H1-8: variants seen among roughly 807,000 people sequenced by gnomAD.
The protein encoded by H1-8 is H1.8 linker histone.
H1-8 carries 13 observed loss-of-function variants against 19.5 expected under a neutral mutation model. That is an observed-to-expected ratio of 0.67 (90% confidence interval 0.43 to 1.06). H1-8 has a LOEUF of 1.06. H1-8 is among the 50% of genes least tolerant of loss of function. H1-8 has a pLI of 0.00. For missense variants in H1-8, 432 were observed against 459.8 expected, an observed-to-expected ratio of 0.94 and a Z score of 0.55; for synonymous variants, 193 against 187.6, an observed-to-expected ratio of 1.03 and a Z score of -0.24.
At chr3:129,550,661 G>T in intron 3 of H1-8, 84 bp from the exon 4 acceptor site, 1 of 1,102,136 alleles carries the variant, frequency 9.1e-7, no homozygotes, top group Non-Finnish European at 1.4e-6. Context: ...CAGGAGGAAT[G>T]GGGGTTCTAG....
At chr3:129,543,343 G>C (rs760220829) in intron 1 of H1-8, 37 bp downstream of exon 1, 10 of 1,500,548 alleles carry the variant, frequency 6.7e-6, no homozygotes, top group African/African-American at 1.4e-5. Flanking sequence ...TCATCCCTGC[G>C]AGCCCACTCC....
intron 1 of H1-8, 46 bp from the exon 2 acceptor site, chr3:129,547,345 T>C (rs763331459): frequency 4.5e-5 from 65 of 1,458,132 alleles, no homozygotes; most frequent in African/African-American, 1.4e-5. Context: ...TGCCTGCCAC[T>C]GAGTTGTGAC....
chr3:129,550,630 A>G (rs2108756521), intron 3 of H1-8, 115 bp from the exon 4 acceptor site: 1 of 801,728 alleles, frequency 1.2e-6, no homozygotes, highest in Non-Finnish European at 2.1e-6. Flanking sequence ...ATGTCACATA[A>G]CTGAGTGAAG....
At chr3:129,543,907 G>A (rs1578287438) in intron 1 of H1-8, among the ~76,000 whole-genome samples, 1 of 152,176 alleles carries the variant, frequency 6.6e-6, no homozygotes, top group African/African-American at 2.4e-5. Flanking sequence ...GGGAGGTCAG[G>A]GAAAGCTTCC....
At chr3:129,544,094 G>C (rs2084870658) in intron 1 of H1-8, among the ~76,000 whole-genome samples, 2 of 152,178 alleles carry the variant, frequency 1.3e-5, no homozygotes, top group Non-Finnish European at 2.9e-5. Context: ...GGATGAGTGA[G>C]AGCAGCCTGC....
Position 129,547,443 on chromosome 3 carries a change from G to T in H1-8, c.141G>T (p.Pro47=), listed in dbSNP as rs1327803702. The change falls in exon 2 of 5, where the codon CCG becomes CCT. Residue 47 remains proline, a synonymous_variant. Coordinates refer to ENST00000324382, the MANE Select transcript of H1-8 (RefSeq NM_153833.3). The stretch of plus-strand genomic sequence containing the variant: ...GAGGCCCGAGCCACAGCAGCCTCCC[G>T]GTGGGACGCCGCCACCCCCCGGTGC... The part of the protein sequence containing the change: ...PPGGPSHSSL[P]VGRRHPPVLR... The T allele has an allele frequency of 7.1e-7, 1 of 1,405,032 alleles. No individual in the cohort carries two copies. The highest frequency in any genetic ancestry group is 3.1e-5 in the East Asian group (1 of 32,282). 87.0% of individuals were successfully genotyped at this position (1,405,032 alleles called of 1,614,324 possible).
intron 2 of H1-8, 103 bp from the exon 3 acceptor site, chr3:129,548,898 C>A (rs1560052081): frequency 4.9e-6 from 7 of 1,440,732 alleles, no homozygotes; most frequent in Non-Finnish European, 6.5e-6. Flanking sequence ...CCTGTGGAGC[C>A]CCCCTGTTTG....
In H1-8 at chr3:129,547,460, C is replaced by T; in HGVS notation, c.158C>T (p.Pro53Leu). 6.5e-7 allele frequency: 1 copy of T among 1,549,400 alleles called. No homozygotes were observed. The highest frequency in any genetic ancestry group is 8.7e-7 in the Non-Finnish European group (1 of 1,146,834). Residue 53 changes from proline (P) to leucine (L), a missense_variant, in exon 2 of 5, where the codon CCC (proline) becomes CTC (leucine). Coordinates refer to ENST00000324382, the MANE Select transcript of H1-8 (RefSeq NM_153833.3). ...HSSLPVGRRH[P>L]PVLRMVLEAL... ...AGCCTCCCGGTGGGACGCCGCCACCCCCCGGTGCTACGCATGGTGCTGGAG... is the reference window on the plus strand; with the variant it reads ...AGCCTCCCGGTGGGACGCCGCCACCTCCCGGTGCTACGCATGGTGCTGGAG...
chr3:129,548,428 G>C, intron 2 of H1-8: 1 of 987,008 alleles, frequency 1.0e-6, no homozygotes, highest in Non-Finnish European at 1.2e-6. Context: ...AGAAGAGCCA[G>C]AGGGGCGTCA....
chr3:129,551,109 C>A lies in H1-8; in HGVS notation c.810C>A (p.Val270=), dbSNP rs772566409. The A allele has an allele frequency of 3.1e-6, 5 of 1,612,798 alleles. No homozygotes were observed. The highest frequency in any genetic ancestry group is 4.2e-6 in the Non-Finnish European group (5 of 1,179,674). The change falls in exon 5 of 5, where the codon GTC becomes GTA. Residue 270 remains valine, a splice_region_variant and synonymous_variant. Transcript: ENST00000324382. ...SKSSKPTASK[V]KNGAASPTKK... ...GCTCCTGGTTTGCTTTCGTATAGGT[C>A]AAGAATGGTGCTGCTTCCCCGACCA...
chr3:129,543,375 AC>A (rs1162747751), intron 1 of H1-8, 69 bp downstream of exon 1: 2 of 1,142,358 alleles, frequency 1.8e-6, no homozygotes, highest in Non-Finnish European at 2.6e-6. Context: ...TTGATGCTCC[AC>A]CCCTGCTTCT....
chr3:129,549,465 G>A (rs59417369), intron 3 of H1-8, 101 bp downstream of exon 3: 4 of 1,353,544 alleles, frequency 3.0e-6, no homozygotes, highest in Non-Finnish European at 4.0e-6. Context: ...TCCTTATCTA[G>A]TGCATGTGTC....
rs77924856 is a variant in H1-8, at chr3:129,551,062, A to G, written c.808-45A>G. 2.2e-3 allele frequency: 3,342 copies of G among 1,538,458 alleles called. 60 individuals are homozygous for G. In the African/African-American group the frequency reaches 0.037, roughly 17 times the overall value. ...CAGAGCCACCCAGAGCTGGGATTTCAGCCCTTCCCAGCTGTCTCTTTGCTC... is the reference window on the plus strand; with the variant it reads ...CAGAGCCACCCAGAGCTGGGATTTCGGCCCTTCCCAGCTGTCTCTTTGCTC... On this transcript the variant is annotated intron_variant, in intron 4 of 4. Coordinates refer to ENST00000324382, the MANE Select transcript of H1-8 (RefSeq NM_153833.3).
In H1-8 at chr3:129,549,084, G is replaced by T. The variant is rs1287198584; in HGVS notation, c.462G>T (p.Gly154=). 2.5e-6 allele frequency: 4 copies of T among 1,609,710 alleles called. No homozygotes were observed. The highest frequency in any genetic ancestry group is 3.4e-6 in the Non-Finnish European group (4 of 1,177,648). The change falls in exon 3 of 5, where the codon GGG becomes GGT. Residue 154 remains glycine (G), a synonymous_variant. Coordinates refer to ENST00000324382, the MANE Select transcript of H1-8 (RefSeq NM_153833.3). The stretch of plus-strand genomic sequence containing the variant: ...CCAGGAGAGCGGGTGAGGCCAAGGG[G>T]AAGGGCCCCAAGAAACCAAGTGAGG... ...TAPRRAGEAK[G]KGPKKPSEAK... is the part of the protein sequence containing the mutation.
intron 2 of H1-8, 62 bp downstream of exon 2, chr3:129,547,742 T>G (rs1301574062): frequency 2.1e-6 from 3 of 1,400,434 alleles, no homozygotes; most frequent in African/African-American, 2.9e-5. Context: ...CCTCTGTGAG[T>G]GCTGCGGCCT....
intron 1 of H1-8, 116 bp from the exon 2 acceptor site, chr3:129,547,275 G>A: frequency 9.3e-7 from 1 of 1,074,074 alleles, no homozygotes. Flanking sequence ...TCAGTGTCTT[G>A]GGGAGAGGGG....
In H1-8 at chr3:129,549,318, T is replaced by C. The variant is rs772303517; in HGVS notation, c.696T>C (p.Gly232=). 2.5e-5 allele frequency: 40 copies of C among 1,602,986 alleles called. No homozygotes were observed. The South Asian group carries it at 4.3e-4, about 17-fold the overall frequency. ...CCATGCGGGCACCTTCCAGTGCTGG[T>C]GGGCTCAGCAGGAAGGCAAAGGCCA... ...DKAMRAPSSA[G]GLSRKAKAKG... is the part of the protein sequence containing the mutation. The change falls in exon 3 of 5, where the codon GGT becomes GGC. Residue 232 remains glycine, a synonymous_variant. Transcript: ENST00000324382.
At chr3:129,550,901 C>A in intron 4 of H1-8, 92 bp downstream of exon 4, 1 of 1,191,314 alleles carries the variant, frequency 8.4e-7, no homozygotes, top group Non-Finnish European at 1.2e-6. Flanking sequence ...AAGGGTCATC[C>A]AGGGATGGGG....
chr3:129,549,120 C>T lies in H1-8; in HGVS notation c.498C>T (p.Asp166=), dbSNP rs368370334. Residue 166 remains aspartate, a synonymous_variant, in exon 3 of 5, where the codon GAC becomes GAT. Coordinates refer to ENST00000324382, the MANE Select transcript of H1-8 (RefSeq NM_153833.3). ...GPKKPSEAKE[D]PPNVGKVKKA... is the part of the protein sequence containing the mutation. ...AGAAACCAAGTGAGGCCAAGGAGGA[C>T]CCTCCCAACGTGGGCAAGGTGAAAA... The T allele has an allele frequency of 3.8e-6, 6 of 1,590,598 alleles. No homozygotes were observed. In the African/African-American group the frequency reaches 6.7e-5, roughly 18 times the overall value.
Sources: gnomAD v4.1 joint callset for allele counts (sites outside exome capture counted in the v4.1 genomes callset) on GRCh38, gnomAD v4.1.1 for gene constraint, MANE v1.5 for transcripts, NCBI Gene and HGNC (gene_info 2026-07-23, HGNC 2026-07-21) for gene names.